The following DLG1 variants were observed in gnomAD, a reference collection of about 807,000 sequenced individuals.
DLG1 encodes discs large MAGUK scaffold protein 1, also known as disks large homolog 1.
A neutral mutation model predicts 123.4 loss-of-function variants in DLG1; 42 were observed. The observed-to-expected ratio is 0.34, with a 90% CI of 0.27 to 0.44. The LOEUF (loss-of-function observed/expected upper bound fraction) is 0.44. DLG1 is among the 20% of genes least tolerant of loss of function. The pLI is 1.00. For missense variants in DLG1, 942 were observed against 1,082.6 expected (o/e 0.87, Z 1.82); for synonymous variants, 317 against 356.2 (o/e 0.89, Z 1.24).
intron 13 of DLG1, among the ~76,000 whole-genome samples, chr3:197,111,278 A>T (rs1769852189): frequency 6.6e-6 from 1 of 152,192 alleles, no homozygotes; most frequent in African/African-American, 2.4e-5. Flanking sequence ...TAAAACCATG[A>T]ATGTTCTGGG....
chr3:197,158,410 G>A (rs1797274802), intron 5 of DLG1, among the ~76,000 whole-genome samples: 1 of 147,778 alleles, frequency 6.8e-6, no homozygotes, highest in Non-Finnish European at 1.5e-5. Flanking sequence ...ACTACCTGAA[G>A]TCGGGAGTTT....
At chr3:197,095,137 GAGCA>G (rs1759940096) in intron 14 of DLG1, among the ~76,000 whole-genome samples, 1 of 151,952 alleles carries the variant, frequency 6.6e-6, no homozygotes, top group Non-Finnish European at 1.5e-5. Context: ...TTAAAGACTA[GAGCA>G]ATCACAAACT....
At position 197,296,395 on chromosome 3, in the gene DLG1, T is replaced by C; in HGVS notation, c.102A>G (p.Ile34Met). The C allele has an allele frequency of 6.2e-7, 1 of 1,613,838 alleles. No homozygotes were observed. The highest frequency in any genetic ancestry group is 1.1e-5 in the South Asian group (1 of 91,072). The change falls in exon 3 of 25, where the codon ATA (isoleucine) becomes ATG (methionine). Residue 34 changes from isoleucine to methionine, a missense_variant. Transcript: ENST00000667157. ...QTEDRQLRSS[I>M]ERVINIFQSN... ...TCTGAAATATGTTAATAACCCGTTC[T>C]ATGGAACTTCTGAGCTGTCTGTCTT...
chr3:197,291,113 T>G (rs1373277521), intron 3 of DLG1, among the ~76,000 whole-genome samples: 1 of 151,986 alleles, frequency 6.6e-6, no homozygotes, highest in Admixed American at 6.6e-5. Flanking sequence ...TAAAGAGAAT[T>G]CAGCCAGATT....
chr3:197,065,420 C>T lies in DLG1; in HGVS notation c.2229G>A (p.Glu743=), dbSNP rs1232582667. ...PHTTRPKRDY[E]VDGRDYHFVT... is the part of the protein sequence containing the mutation. ...CAAAATGATAATCTCTTCCATCTAC[C>T]TCATAATCTCGTTTTGGTCTAGTTG... is the stretch of plus-strand genomic sequence containing the variant. Residue 743 remains glutamate, a synonymous_variant, in exon 22 of 25, where the codon GAG becomes GAA. Coordinates refer to ENST00000667157, the MANE Select transcript of DLG1 (RefSeq NM_001366207.1). The T allele has an allele frequency of 1.9e-6, 3 of 1,610,076 alleles. No homozygotes were observed. In the South Asian group the frequency reaches 3.3e-5, roughly 18 times the overall value.
At chr3:197,174,952 T>C (rs932791141) in intron 5 of DLG1, among the ~76,000 whole-genome samples, 2 of 152,222 alleles carry the variant, frequency 1.3e-5, no homozygotes, top group Non-Finnish European at 2.9e-5. Context: ...AGTCAGAGTT[T>C]TGATTTCACA....
rs557257701 is a variant in DLG1 at position 197,144,540 on chromosome 3, C to T, written c.538-1772G>A. Among the ~76,000 whole-genome samples, 10 of 152,286 alleles carry T rather than the reference C, an allele frequency of 6.6e-5. 2 individuals carry two copies. In the East Asian group the frequency reaches 1.9e-3, roughly 29 times the overall value. On this transcript the variant is annotated intron_variant, in intron 6 of 24. Coordinates refer to ENST00000667157, the MANE Select transcript of DLG1 (RefSeq NM_001366207.1). ...GTTGTTCTTTTAAGCCCCTAAGCTT[C>T]AGGGTAGTTTGTTATGCAATGATAG...
Position 197,221,963 on chromosome 3 carries a change from C to T in DLG1, c.319-27374G>A, listed in dbSNP as rs550237860. 8.9e-4 allele frequency among the ~76,000 whole-genome samples: 136 copies of T among 152,270 alleles called. 1 individual carries two copies. The highest frequency in any genetic ancestry group is 2.9e-3 in the African/African-American group (122 of 41,534). ...TAACCTATGTACATCCTCCCATATA[C>T]TTTAAATCATCTCTAGAGTACTTAC... On this transcript the variant is annotated intron_variant, in intron 4 of 24. Transcript: ENST00000667157.
chr3:197,145,051 T>A (rs557430135), intron 6 of DLG1, among the ~76,000 whole-genome samples: 61 of 143,260 alleles, frequency 4.3e-4, no homozygotes, highest in African/African-American at 8.2e-4. Flanking sequence ...TCTCTCTCTC[T>A]CTCTCACACA....
rs35979905 is a variant in DLG1, at chr3:197,051,833, A to ATT, written c.2484-167_2484-166dup. Among the ~76,000 whole-genome samples, 207 of 90,284 alleles carry ATT rather than the reference A, an allele frequency of 2.3e-3. 10 individuals carry two copies. The highest frequency in any genetic ancestry group is 5.3e-3 in the African/African-American group (128 of 24,318). The allele number at this position is 90,284 out of a possible 152,430, so 59.2% of individuals were successfully genotyped here. On this transcript the variant is annotated intron_variant, in intron 23 of 24. Transcript: ENST00000667157. ...TGAGTCATTCTGGTCATTTCTGGGAATTTTTTTTTTTTTTTTTTTTTTTTT... is the reference window on the plus strand; with the variant it reads ...TGAGTCATTCTGGTCATTTCTGGGAATTTTTTTTTTTTTTTTTTTTTTTTTTT...
rs1293745338 is a variant in DLG1 at position 197,065,425 on chromosome 3, A to C, written c.2224T>G (p.Tyr742Asp). Residue 742 changes from tyrosine to aspartate, a missense_variant, in exon 22 of 25, where the codon TAT (tyrosine) becomes GAT (aspartate). Physicochemically the swap from Tyr to Asp is radical, Grantham distance 160 (BLOSUM62 -3). Transcript: ENST00000667157. ...TGATAATCTCTTCCATCTACCTCAT[A>C]ATCTCGTTTTGGTCTAGTTGTATCT... ...VPHTTRPKRD[Y>D]EVDGRDYHFV... 5 of 1,610,352 alleles carry C rather than the reference A, an allele frequency of 3.1e-6. No homozygotes were observed. Among genetic ancestry groups the C allele is most frequent in the Non-Finnish European group, 4.2e-6 (5 of 1,178,924 alleles).
rs572085451 is a variant in DLG1, at chr3:197,140,350, C to T, written c.589-86G>A. The T allele has an allele frequency of 1.5e-5, 20 of 1,360,232 alleles. No homozygotes were observed. The African/African-American group carries it at 2.8e-4, about 19-fold the overall frequency. The allele number at this position is 1,360,232 out of a possible 1,614,324, so 84.3% of individuals were successfully genotyped here. On this transcript the variant is annotated intron_variant, in intron 7 of 24. Coordinates refer to ENST00000667157, the MANE Select transcript of DLG1 (RefSeq NM_001366207.1). Reference sequence around the variant, plus strand: ...GTCATTAAAGGACGCAGAAACTGTACTAACATAAGGAACACAACAAATAAA... The same window carrying T: ...GTCATTAAAGGACGCAGAAACTGTATTAACATAAGGAACACAACAAATAAA...
intron 5 of DLG1, 45 bp from the exon 6 acceptor site, chr3:197,149,841 T>C (rs1448947283): frequency 8.7e-7 from 1 of 1,144,252 alleles, no homozygotes; most frequent in Admixed American, 1.8e-5. Context: ...AATAAAACAT[T>C]ACATGTTCAT....
chr3:197,269,843 C>T (rs968018617), intron 4 of DLG1, among the ~76,000 whole-genome samples: 5 of 152,068 alleles, frequency 3.3e-5, no homozygotes, highest in Admixed American at 1.3e-4. Flanking sequence ...TATTTTAATC[C>T]GTTCCTGTGG....
intron 4 of DLG1, among the ~76,000 whole-genome samples, chr3:197,253,594 A>G (rs922298448): frequency 6.6e-6 from 1 of 152,226 alleles, no homozygotes; most frequent in Non-Finnish European, 1.5e-5. Context: ...GCCAATCCTG[A>G]AAGTTTATAT....
At chr3:197,297,378 G>A (rs758060045) in intron 1 of DLG1, 143 bp from the exon 2 acceptor site, 182 of 1,448,284 alleles carry the variant, frequency 1.3e-4, no homozygotes, top group Non-Finnish European at 1.6e-4. Flanking sequence ...GTCTCAAAAC[G>A]CAGCAGTTGT....
At chr3:197,085,978 C>G (rs1249220673) in intron 15 of DLG1, among the ~76,000 whole-genome samples, 1 of 151,214 alleles carries the variant, frequency 6.6e-6, no homozygotes, top group Non-Finnish European at 1.5e-5. Flanking sequence ...CTTTCAATAT[C>G]ACAAGACAAA....
At chr3:197,073,885 G>A (rs1256232257) in intron 18 of DLG1, among the ~76,000 whole-genome samples, 1 of 150,718 alleles carries the variant, frequency 6.6e-6, no homozygotes, top group African/African-American at 2.4e-5. Context: ...CTTCTTTTTT[G>A]GGTTCTTTTT....
intron 6 of DLG1, among the ~76,000 whole-genome samples, chr3:197,143,184 T>C (rs1336926207): frequency 6.6e-6 from 1 of 152,202 alleles, no homozygotes; most frequent in Non-Finnish European, 1.5e-5. Flanking sequence ...ATACTGTCAA[T>C]GCAGTCTGCC....
Sources: allele counts gnomAD v4.1 joint callset (sites outside exome capture counted in the v4.1 genomes callset), GRCh38; gene constraint gnomAD v4.1.1; transcripts MANE v1.5; gene names NCBI Gene and HGNC (gene_info 2026-07-23, HGNC 2026-07-21).